KCNT2: variants seen among roughly 807,000 people sequenced by gnomAD.
KCNT2 encodes the protein potassium channel subfamily T member 2.
A neutral mutation model predicts 153.8 loss-of-function variants in KCNT2; 67 were observed. The observed-to-expected ratio is 0.44, with a 90% CI of 0.36 to 0.53. The LOEUF is 0.53. Among genes scored for constraint, KCNT2 ranks in the 20% least tolerant of loss-of-function variants. The probability of loss-of-function intolerance (pLI) is 0.00; values close to 1 mark genes in which losing one functional copy is unlikely to be tolerated. For synonymous variants in KCNT2, 500 were observed against 458.8 expected (o/e 1.09, Z -1.15); for missense variants, 975 against 1,354.8 (o/e 0.72, Z 4.40).
At chr1:196,228,699 T>C (rs1175006625) in intron 27 of KCNT2, among the ~76,000 whole-genome samples, 1 of 152,112 alleles carries the variant, frequency 6.6e-6, no homozygotes, top group Admixed American at 6.6e-5. Flanking sequence ...TGTTGACTTA[T>C]TATCCCTTAC....
rs563190156 is a variant in KCNT2 at position 196,368,983 on chromosome 1, C to G, written c.1403+4157G>C. Among the ~76,000 whole-genome samples the G allele has an allele frequency of 2.6e-5, 4 of 152,266 alleles. No homozygotes were observed. The South Asian group carries it at 8.3e-4, about 32-fold the overall frequency. ...GGAGATTTTCTTTTTTTCCCCCTCT[C>G]TCTTTTCTACACTCATATCTAATCA... On this transcript the variant is annotated intron_variant, in intron 14 of 27. Transcript: ENST00000294725.
intron 13 of KCNT2, among the ~76,000 whole-genome samples, chr1:196,389,861 A>G (rs970474505): frequency 1.3e-5 from 2 of 151,632 alleles, no homozygotes; most frequent in African/African-American, 4.8e-5. Context: ...TATGTATCTC[A>G]TAAGATTTCA....
chr1:196,496,123 C>T (rs985678518), intron 1 of KCNT2, among the ~76,000 whole-genome samples: 5 of 151,826 alleles, frequency 3.3e-5, no homozygotes, highest in African/African-American at 1.2e-4. Context: ...TTTAATATTT[C>T]TACAGTAAGA....
chr1:196,600,409 C>G (rs1041375264), intron 1 of KCNT2, among the ~76,000 whole-genome samples: 2 of 152,208 alleles, frequency 1.3e-5, no homozygotes, highest in Non-Finnish European at 2.9e-5. Flanking sequence ...GGAACCACAG[C>G]TCCTAAGAGC....
intron 22 of KCNT2, among the ~76,000 whole-genome samples, chr1:196,302,324 TA>T (rs1055227096): frequency 2.6e-5 from 4 of 151,374 alleles, no homozygotes; most frequent in South Asian, 2.1e-4. Context: ...TATTACTGAT[TA>T]AAAAAAAACC....
intron 1 of KCNT2, among the ~76,000 whole-genome samples, chr1:196,589,071 A>G (rs1294978795): frequency 6.6e-6 from 1 of 152,042 alleles, no homozygotes; most frequent in Non-Finnish European, 1.5e-5. Context: ...TATTCATATT[A>G]TAGAATATTA....
At chr1:196,385,327 G>A (rs1669872670) in intron 13 of KCNT2, among the ~76,000 whole-genome samples, 1 of 152,034 alleles carries the variant, frequency 6.6e-6, no homozygotes. Flanking sequence ...GAATACTGTG[G>A]GCAATTGTGA....
intron 1 of KCNT2, among the ~76,000 whole-genome samples, chr1:196,579,921 T>A (rs1455607701): frequency 2.0e-5 from 3 of 152,110 alleles, no homozygotes; most frequent in Non-Finnish European, 4.4e-5. Context: ...ATGTTCATGG[T>A]CCTCTCAATA....
chr1:196,588,000 T>C (rs928081004), intron 1 of KCNT2, among the ~76,000 whole-genome samples: 1 of 152,038 alleles, frequency 6.6e-6, no homozygotes, highest in African/African-American at 2.4e-5. Flanking sequence ...CTTGATAAGA[T>C]AGTGTGGAAA....
At chr1:196,496,069 A>T (rs1388237267) in intron 1 of KCNT2, among the ~76,000 whole-genome samples, 1 of 151,392 alleles carries the variant, frequency 6.6e-6, no homozygotes, top group Non-Finnish European at 1.5e-5. Flanking sequence ...TTTTTTTCAC[A>T]TTTATTACTT....
At chr1:196,523,905 A>T (rs1392864597) in intron 1 of KCNT2, among the ~76,000 whole-genome samples, 1 of 152,198 alleles carries the variant, frequency 6.6e-6, no homozygotes, top group East Asian at 1.9e-4. Flanking sequence ...ATTAAATGAC[A>T]CCAGAGATAA....
At chr1:196,244,090 G>C (rs190122754) in intron 26 of KCNT2, among the ~76,000 whole-genome samples, 4 of 152,152 alleles carry the variant, frequency 2.6e-5, no homozygotes, top group Non-Finnish European at 4.4e-5. Flanking sequence ...CATACCCTCG[G>C]CCAGAAGGGA....
At chr1:196,417,078 A>C (rs1672817839) in intron 12 of KCNT2, among the ~76,000 whole-genome samples, 1 of 152,070 alleles carries the variant, frequency 6.6e-6, no homozygotes, top group South Asian at 2.1e-4. Context: ...TACCCACAGA[A>C]ATTTTTTTTA....
intron 17 of KCNT2, among the ~76,000 whole-genome samples, chr1:196,332,430 T>C (rs571705816): frequency 6.2e-4 from 94 of 152,156 alleles, no homozygotes; most frequent in Non-Finnish European, 1.2e-3. Flanking sequence ...ATTAATGTCT[T>C]TGAAGAGTAG....
chr1:196,440,504 CAA>C (rs1675132900), intron 8 of KCNT2, among the ~76,000 whole-genome samples: 1 of 151,870 alleles, frequency 6.6e-6, no homozygotes, highest in Admixed American at 6.6e-5. Context: ...CAGAATATTT[CAA>C]AGAGTTAGGG....
At chr1:196,501,657 A>C (rs1304517767) in intron 1 of KCNT2, among the ~76,000 whole-genome samples, 1 of 152,216 alleles carries the variant, frequency 6.6e-6, no homozygotes, top group Admixed American at 6.5e-5. Flanking sequence ...TTCACTATTC[A>C]GATGATGGGC....
intron 12 of KCNT2, among the ~76,000 whole-genome samples, chr1:196,405,396 G>C (rs1293973836): frequency 6.6e-6 from 1 of 151,368 alleles, no homozygotes; most frequent in Non-Finnish European, 1.5e-5. Flanking sequence ...AAGTCAGTTT[G>C]CCTAAAAATT....
At chr1:196,358,301 C>T (rs911715454) in intron 14 of KCNT2, among the ~76,000 whole-genome samples, 2 of 151,636 alleles carry the variant, frequency 1.3e-5, no homozygotes, top group Non-Finnish European at 2.9e-5. Context: ...TCCATTTCTC[C>T]ACCACAACTC....
At chr1:196,426,701 T>C (rs1572408720) in intron 10 of KCNT2, among the ~76,000 whole-genome samples, 2 of 151,820 alleles carry the variant, frequency 1.3e-5, no homozygotes, top group African/African-American at 2.4e-5. Context: ...ACATTGATAC[T>C]AGATAAAGTT....
Sources: allele counts gnomAD v4.1 joint callset (sites outside exome capture counted in the v4.1 genomes callset), GRCh38; gene constraint gnomAD v4.1.1; transcripts MANE v1.5; gene names NCBI Gene and HGNC (gene_info 2026-07-23, HGNC 2026-07-21).